The following ZNF18 variants were observed in gnomAD, a reference collection of about 807,000 sequenced individuals.
ZNF18 encodes the protein heart development-specific gene 1 protein.
A neutral mutation model predicts 58.1 loss-of-function variants in ZNF18; 42 were observed. The observed-to-expected ratio is 0.72, with a 90% CI of 0.56 to 0.93. The LOEUF (loss-of-function observed/expected upper bound fraction) is 0.93. Ranked by LOEUF, ZNF18 falls within the 40% of genes least tolerant of loss-of-function variation. ZNF18 has a pLI of 0.00. For missense variants in ZNF18, 540 were observed against 644.2 expected (o/e 0.84, Z 1.75); for synonymous variants, 231 against 239.8 (o/e 0.96, Z 0.34).
Position 11,990,488 on chromosome 17 carries a change from C to A in ZNF18, c.640G>T (p.Ala214Ser). The change falls in exon 4 of 7, where the codon GCC (alanine) becomes TCC (serine). Residue 214 changes from alanine to serine, a missense_variant. Transcript: ENST00000580306. ...TGAGGTGCTGCTGGGAGCAGTGAGG[C>A]TCCGAGGTCCTGGTCTCTGATCAGC... is the stretch of plus-strand genomic sequence containing the variant. Reference protein sequence around the residue: ...ERLIRDQDLGASLLPAAPQEQ... With the variant: ...ERLIRDQDLGSSLLPAAPQEQ... 6.2e-7 allele frequency: 1 copy of A among 1,613,064 alleles called. No individual in the cohort carries two copies. Among genetic ancestry groups the A allele is most frequent in the Non-Finnish European group, 8.5e-7 (1 of 1,179,834 alleles).
upstream of ZNF18, chr17:11,998,520 T>C (rs1176544942): frequency 6.6e-6 from 1 of 151,734 alleles, no homozygotes; most frequent in Non-Finnish European, 1.5e-5. Context: ...CCTGTACCTG[T>C]CATTATCATA....
the ZNF18 span, among the ~76,000 whole-genome samples, chr17:12,019,558 TGGA>T: frequency 6.6e-6 from 1 of 152,072 alleles, no homozygotes; most frequent in Non-Finnish European, 1.5e-5. Context: ...ACGAGGCCCA[TGGA>T]GGAGAATTCT....
rs576982794 is a variant in ZNF18, at chr17:11,994,776, G to C, written c.-82-1865C>G. ...GAATGGCATGAACCTGGGAGGCAGAGCTTGCAGTGAGCTGAGATCGTGCCA... is the reference window on the plus strand; with the variant it reads ...GAATGGCATGAACCTGGGAGGCAGACCTTGCAGTGAGCTGAGATCGTGCCA... On this transcript the variant is annotated intron_variant, in intron 1 of 6. Transcript: ENST00000580306. Among the ~76,000 whole-genome samples the C allele has an allele frequency of 3.4e-4, 51 of 152,186 alleles. No homozygotes were observed. In the East Asian group the frequency reaches 9.7e-3, roughly 29 times the overall value.
At chr17:12,007,980 G>C in the ZNF18 span, among the ~76,000 whole-genome samples, 1 of 152,142 alleles carries the variant, frequency 6.6e-6, no homozygotes, top group Non-Finnish European at 1.5e-5. Context: ...GGTGCTCAGA[G>C]AACGGAAAGA....
intron 2 of ZNF18, among the ~76,000 whole-genome samples, 173 bp from the exon 3 acceptor site, chr17:11,991,336 A>G (rs1263822740): frequency 6.6e-6 from 1 of 152,200 alleles, no homozygotes; most frequent in East Asian, 1.9e-4. Context: ...AACGTCCCAA[A>G]AGACACCAAA....
intron 6 of ZNF18, among the ~76,000 whole-genome samples, chr17:11,981,200 G>A (rs891325885): frequency 1.3e-4 from 20 of 151,954 alleles, no homozygotes; most frequent in Non-Finnish European, 2.2e-4. Flanking sequence ...TCTCCTCCCC[G>A]GACAGCCCGA....
At chr17:12,021,150 C>G in the ZNF18 span, 1 of 422,942 alleles carries the variant, frequency 2.4e-6, no homozygotes, top group Non-Finnish European at 3.8e-6. Context: ...CTTCCCGCCC[C>G]GCTCCCGGCC....
chr17:12,019,109 C>T, the ZNF18 span, among the ~76,000 whole-genome samples: 1 of 151,784 alleles, frequency 6.6e-6, no homozygotes, highest in African/African-American at 2.4e-5. Context: ...TACCTGCCAC[C>T]ACACCGGCTA....
At chr17:12,000,125 T>C (rs183684541), upstream of ZNF18, among the ~76,000 whole-genome samples, 1 of 152,258 alleles carries the variant, frequency 6.6e-6, no homozygotes, top group Non-Finnish European at 1.5e-5. Context: ...TTCATCATGT[T>C]GGCCAGGCTG....
chr17:12,001,641 C>G (rs939176998), upstream of ZNF18, among the ~76,000 whole-genome samples: 1 of 151,852 alleles, frequency 6.6e-6, no homozygotes, highest in South Asian at 2.1e-4. Flanking sequence ...AACAAACAAA[C>G]AAACAAACAA....
the ZNF18 span, among the ~76,000 whole-genome samples, chr17:12,006,340 A>G: frequency 1.3e-5 from 2 of 152,174 alleles, no homozygotes; most frequent in African/African-American, 4.8e-5. Flanking sequence ...AAATATCCCC[A>G]ATATAATAAT....
chr17:11,983,235 A>G (rs570574785), intron 6 of ZNF18, 62 bp downstream of exon 6: 66 of 1,314,136 alleles, frequency 5.0e-5, no homozygotes, highest in Admixed American at 3.4e-4. Context: ...CACCTCCCCA[A>G]TCACCTCCAA....
intron 4 of ZNF18, among the ~76,000 whole-genome samples, chr17:11,989,575 T>C (rs1967970145): frequency 6.6e-6 from 1 of 152,106 alleles, no homozygotes; most frequent in Admixed American, 6.6e-5. Flanking sequence ...GAAAAATTCA[T>C]CTAAAATGAA....
At chr17:12,006,650 C>T in the ZNF18 span, among the ~76,000 whole-genome samples, 1 of 152,104 alleles carries the variant, frequency 6.6e-6, no homozygotes, top group Non-Finnish European at 1.5e-5. Context: ...ACTTGGGAGG[C>T]TGAGGTGGGA....
the ZNF18 span, among the ~76,000 whole-genome samples, chr17:12,004,903 A>G: frequency 6.6e-5 from 10 of 151,060 alleles, no homozygotes; most frequent in Admixed American, 4.0e-4. Flanking sequence ...AAAAAAAAAA[A>G]AAAGAAAAGA....
intron 6 of ZNF18, 40 bp from the exon 7 acceptor site, chr17:11,978,784 T>A (rs1371628941): frequency 7.5e-7 from 1 of 1,331,636 alleles, no homozygotes; most frequent in East Asian, 2.5e-5. Context: ...TCAAGTGCTA[T>A]GCCCTGTTTT....
chr17:12,006,163 A>T, the ZNF18 span, among the ~76,000 whole-genome samples: 1 of 152,222 alleles, frequency 6.6e-6, no homozygotes, highest in Non-Finnish European at 1.5e-5. Flanking sequence ...ATTGTCTATT[A>T]ATTCAAACTT....
At chr17:11,983,851 T>C (rs1967543088) in intron 5 of ZNF18, among the ~76,000 whole-genome samples, 1 of 152,116 alleles carries the variant, frequency 6.6e-6, no homozygotes, top group Non-Finnish European at 1.5e-5. Flanking sequence ...GAGAATACCA[T>C]CATCAATTTC....
chr17:11,997,116 G>A (rs1968517107), intron 1 of ZNF18: 2 of 152,396 alleles, frequency 1.3e-5, no homozygotes, highest in Admixed American at 1.3e-4. Context: ...CAGCCCTTAG[G>A]GGAAGACAGC....
Sources: gnomAD v4.1 joint callset for allele counts (sites outside exome capture counted in the v4.1 genomes callset) on GRCh38, gnomAD v4.1.1 for gene constraint, MANE v1.5 for transcripts, NCBI Gene and HGNC (gene_info 2026-07-23, HGNC 2026-07-21) for gene names.